The following CD44 variants were observed in gnomAD, a reference collection of about 807,000 sequenced individuals.
CD44 encodes the protein CD44 molecule (IN blood group).
CD44 carries 49 observed loss-of-function variants against 88.8 expected under a neutral mutation model. The observed-to-expected ratio is 0.55, with a 90% CI of 0.44 to 0.70. The LOEUF (loss-of-function observed/expected upper bound fraction) is 0.70, where lower values mean the gene tolerates loss of function less well. Ranked by LOEUF, CD44 falls within the 30% of genes least tolerant of loss-of-function variation. The probability of loss-of-function intolerance (pLI) is 0.00; values close to 1 mark genes in which losing one functional copy is unlikely to be tolerated. For missense variants in CD44, 883 were observed against 913.8 expected, an observed-to-expected ratio of 0.97 and a Z score of 0.43; for synonymous variants, 325 against 312.3, an observed-to-expected ratio of 1.04 and a Z score of -0.43.
chr11:35,141,573 C>A (rs1007105003), intron 1 of CD44, among the ~76,000 whole-genome samples: 1 of 152,192 alleles, frequency 6.6e-6, no homozygotes, highest in Admixed American at 6.5e-5. Flanking sequence ...TGACTCCTGA[C>A]TCCTTCCAAC....
chr11:35,157,327 C>CTATCTATCTATCTATCTATCTATA (rs1942015698), intron 1 of CD44, among the ~76,000 whole-genome samples: 1 of 123,404 alleles, frequency 8.1e-6, no homozygotes, highest in East Asian at 2.5e-4. Flanking sequence ...GTCTGTCTAT[C>CTATCTATCTATCTATCTATCTATA]TATCTATCTA....
intron 16 of CD44, 149 bp from the exon 17 acceptor site, chr11:35,221,505 A>G: frequency 3.0e-6 from 2 of 665,746 alleles, no homozygotes; most frequent in Non-Finnish European, 2.8e-6. Flanking sequence ...TTCCAGAATT[A>G]CCTGCCTATT....
intron 1 of CD44, among the ~76,000 whole-genome samples, chr11:35,169,735 G>A (rs1055103437): frequency 2.6e-5 from 4 of 152,162 alleles, no homozygotes; most frequent in African/African-American, 9.7e-5. Flanking sequence ...AAATGTGCTC[G>A]GACAATTTTA....
chr11:35,173,525 T>G (rs1944135474), intron 1 of CD44, among the ~76,000 whole-genome samples: 1 of 152,050 alleles, frequency 6.6e-6, no homozygotes, highest in African/African-American at 2.4e-5. Flanking sequence ...AAAAACACAT[T>G]TTCTCCATTT....
intron 16 of CD44, among the ~76,000 whole-genome samples, chr11:35,220,400 C>A (rs1949195982): frequency 6.6e-6 from 1 of 152,184 alleles, no homozygotes; most frequent in Admixed American, 6.5e-5. Context: ...CTACCTCCCT[C>A]TCCAAACTCA....
At chr11:35,173,971 G>A (rs576268341) in intron 1 of CD44, among the ~76,000 whole-genome samples, 1 of 152,286 alleles carries the variant, frequency 6.6e-6, no homozygotes, top group East Asian at 1.9e-4. Context: ...GGTGACGTTG[G>A]GGAGTCATTT....
At chr11:35,167,490 G>T (rs568956361) in intron 1 of CD44, among the ~76,000 whole-genome samples, 60 of 152,286 alleles carry the variant, frequency 3.9e-4, no homozygotes, top group African/African-American at 1.4e-3. Context: ...ATCAGAACCA[G>T]CTCAGTAAGA....
intron 3 of CD44, among the ~76,000 whole-genome samples, chr11:35,182,609 C>T (rs1365380805): frequency 6.6e-6 from 1 of 152,096 alleles, no homozygotes; most frequent in Non-Finnish European, 1.5e-5. Context: ...GAGAAAACCA[C>T]ATATAAAAAA....
intron 1 of CD44, among the ~76,000 whole-genome samples, chr11:35,170,001 C>T (rs1328370728): frequency 1.3e-5 from 2 of 152,180 alleles, no homozygotes; most frequent in South Asian, 2.1e-4. Context: ...TACCTCATAG[C>T]ATTTTTATGA....
chr11:35,187,814 T>A (rs1945836513), intron 4 of CD44, among the ~76,000 whole-genome samples: 1 of 152,234 alleles, frequency 6.6e-6, no homozygotes, highest in Non-Finnish European at 1.5e-5. Context: ...ACATTGTTTA[T>A]ACCACATCCA....
intron 3 of CD44, among the ~76,000 whole-genome samples, chr11:35,185,048 A>T (rs1012350140): frequency 5.3e-5 from 8 of 152,170 alleles, no homozygotes; most frequent in African/African-American, 1.9e-4. Context: ...ATTTCTAGGG[A>T]GGGAGGCAGG....
chr11:35,180,166 G>T (rs1269677737), intron 2 of CD44, 108 bp from the exon 3 acceptor site: 11 of 1,101,994 alleles, frequency 1.0e-5, no homozygotes, highest in African/African-American at 1.5e-5. Context: ...ATATCCCTAG[G>T]GGTGAACTGA....
intron 1 of CD44, among the ~76,000 whole-genome samples, chr11:35,170,542 TCAAA>T (rs1367401802): frequency 2.0e-5 from 3 of 152,316 alleles, no homozygotes; most frequent in African/African-American, 7.2e-5. Context: ...AAAAGTGGCC[TCAAA>T]CAGTCAGTGT....
intron 1 of CD44, among the ~76,000 whole-genome samples, chr11:35,149,441 C>T (rs1010834457): frequency 2.0e-5 from 3 of 152,204 alleles, no homozygotes; most frequent in African/African-American, 7.2e-5. Context: ...TGAGCTTGGG[C>T]AGTTGCACTT....
At chr11:35,192,679 A>G (rs146470594) in intron 5 of CD44, among the ~76,000 whole-genome samples, 3,347 of 151,906 alleles carry the variant, frequency 0.022, 46 homozygotes, top group Non-Finnish European at 0.028. Flanking sequence ...GCCTCTTCCT[A>G]TTGGTGACCT....
At chr11:35,164,630 C>T (rs1943050908) in intron 1 of CD44, among the ~76,000 whole-genome samples, 1 of 152,016 alleles carries the variant, frequency 6.6e-6, no homozygotes, top group Non-Finnish European at 1.5e-5. Context: ...ATAAATCTGG[C>T]CAAGTCCACT....
chr11:35,156,730 C>T (rs554227568), intron 1 of CD44, among the ~76,000 whole-genome samples: 10 of 152,342 alleles, frequency 6.6e-5, no homozygotes, highest in African/African-American at 2.4e-4. Flanking sequence ...ATTTATCATG[C>T]TGTGTTGTCA....
chr11:35,185,720 G>T (rs1280933684), intron 3 of CD44, among the ~76,000 whole-genome samples: 2 of 152,180 alleles, frequency 1.3e-5, no homozygotes, highest in Admixed American at 1.3e-4. Flanking sequence ...CAGAATAAAA[G>T]CTGTAATGCA....
chr11:35,184,319 G>C (rs755603094), intron 3 of CD44, among the ~76,000 whole-genome samples: 57 of 152,176 alleles, frequency 3.7e-4, no homozygotes, highest in Non-Finnish European at 6.8e-4. Flanking sequence ...CTTAGGGTTT[G>C]TGACATCATG....
Sources: gnomAD v4.1 joint callset for allele counts (sites outside exome capture counted in the v4.1 genomes callset) on GRCh38, gnomAD v4.1.1 for gene constraint, MANE v1.5 for transcripts, NCBI Gene and HGNC (gene_info 2026-07-23, HGNC 2026-07-21) for gene names.